The following NDST4 variants were observed in gnomAD, a reference collection of about 807,000 sequenced individuals.
NDST4 encodes N-deacetylase and N-sulfotransferase 4.
Under a neutral mutation model 100.8 loss-of-function variants are expected in NDST4, and 63 were observed. The observed-to-expected ratio is 0.62, with a 90% CI of 0.51 to 0.77. NDST4 has a LOEUF of 0.77. Ranked by LOEUF, NDST4 falls within the 30% of genes least tolerant of loss-of-function variation. The probability of loss-of-function intolerance (pLI) is 0.00; values close to 1 mark genes in which losing one functional copy is unlikely to be tolerated. For missense variants in NDST4, 943 were observed against 1,018.4 expected (o/e 0.93, Z 1.01); for synonymous variants, 377 against 361.8 (o/e 1.04, Z -0.48).
At chr4:115,100,549 A>G (rs1173975056) in intron 1 of NDST4, among the ~76,000 whole-genome samples, 3 of 152,120 alleles carry the variant, frequency 2.0e-5, no homozygotes, top group African/African-American at 4.8e-5. Flanking sequence ...TTGTAGCCCT[A>G]TGTGGGCTAC....
At chr4:114,885,085 C>T (rs1724450574) in intron 6 of NDST4, among the ~76,000 whole-genome samples, 2 of 152,106 alleles carry the variant, frequency 1.3e-5, no homozygotes, top group African/African-American at 2.4e-5. Context: ...TTGCTAGTCT[C>T]AGACTTTTTA....
intron 4 of NDST4, among the ~76,000 whole-genome samples, chr4:114,964,031 A>C (rs1726325299): frequency 6.6e-6 from 1 of 152,168 alleles, no homozygotes; most frequent in Non-Finnish European, 1.5e-5. Flanking sequence ...ATAAGTGAAG[A>C]GGTATTGCTT....
intron 2 of NDST4, among the ~76,000 whole-genome samples, chr4:115,047,860 A>C (rs2126277361): frequency 6.6e-6 from 1 of 152,294 alleles, no homozygotes. Context: ...ACCTTCAATA[A>C]AAGAATATTA....
intron 6 of NDST4, among the ~76,000 whole-genome samples, chr4:114,876,307 A>G (rs1168072199): frequency 6.6e-6 from 1 of 152,182 alleles, no homozygotes; most frequent in Non-Finnish European, 1.5e-5. Context: ...TAGCTTGTTA[A>G]ATTATTGATT....
rs1181591602 is a variant in NDST4 at position 114,871,100 on chromosome 4, A to G, written c.1537-150T>C. ...GTGGAAAGCCACACATTTAATTTTC[A>G]TCTCAAAATAACACTTAAACTCACT... On this transcript the variant is annotated intron_variant, in intron 6 of 13. Transcript: ENST00000264363. 5 of 530,722 alleles carry G rather than the reference A, an allele frequency of 9.4e-6. No homozygotes were observed. The East Asian group carries it at 9.8e-5, about 10-fold the overall frequency. The allele number at this position is 530,722 out of a possible 1,614,324, so 32.9% of individuals were successfully genotyped here.
chr4:114,836,838 C>A (rs979268554), intron 11 of NDST4, among the ~76,000 whole-genome samples: 3 of 152,058 alleles, frequency 2.0e-5, no homozygotes, highest in Non-Finnish European at 2.9e-5. Context: ...GTTCTCTAAT[C>A]TTGTCTTCAT....
chr4:114,920,849 G>C (rs1725272265), intron 6 of NDST4, among the ~76,000 whole-genome samples: 1 of 152,132 alleles, frequency 6.6e-6, no homozygotes, highest in Admixed American at 6.5e-5. Context: ...ACTAGTGATA[G>C]GTGATGAAAC....
At chr4:115,092,216 C>T (rs1263273482) in intron 1 of NDST4, among the ~76,000 whole-genome samples, 1 of 152,010 alleles carries the variant, frequency 6.6e-6, no homozygotes, top group East Asian at 1.9e-4. Flanking sequence ...TAGGTGAAGA[C>T]CCCCAACCTA....
At chr4:115,068,995 C>A (rs929170928) in intron 2 of NDST4, among the ~76,000 whole-genome samples, 3 of 151,918 alleles carry the variant, frequency 2.0e-5, no homozygotes, top group African/African-American at 7.3e-5. Flanking sequence ...ACTGTCACCT[C>A]TTAATTTTGG....
At chr4:115,059,665 C>A (rs1019037813) in intron 2 of NDST4, among the ~76,000 whole-genome samples, 7 of 152,038 alleles carry the variant, frequency 4.6e-5, no homozygotes, top group Non-Finnish European at 8.8e-5. Flanking sequence ...TAGTCTTTCA[C>A]TTTGCAATGT....
chr4:114,961,746 A>T (rs1471314127), intron 4 of NDST4, among the ~76,000 whole-genome samples: 1 of 152,062 alleles, frequency 6.6e-6, no homozygotes, highest in Non-Finnish European at 1.5e-5. Flanking sequence ...TCTACCAAAC[A>T]TACAAAAAAT....
chr4:114,886,785 C>T (rs1724488313), intron 6 of NDST4, among the ~76,000 whole-genome samples: 1 of 152,040 alleles, frequency 6.6e-6, no homozygotes, highest in Non-Finnish European at 1.5e-5. Context: ...CCAGCAAGTA[C>T]ATGATGCTGG....
chr4:115,007,000 T>C (rs1223965230), intron 2 of NDST4, among the ~76,000 whole-genome samples: 2 of 152,178 alleles, frequency 1.3e-5, no homozygotes, highest in Non-Finnish European at 2.9e-5. Flanking sequence ...CTAGGTTTTA[T>C]TGCATATTTA....
intron 4 of NDST4, among the ~76,000 whole-genome samples, chr4:114,960,915 ATATAAAG>A (rs1161726699): frequency 6.6e-6 from 1 of 152,202 alleles, no homozygotes; most frequent in East Asian, 1.9e-4. Flanking sequence ...ACATAAAATT[ATATAAAG>A]TATAAACTAT....
chr4:115,069,638 G>A (rs957096171), intron 2 of NDST4, among the ~76,000 whole-genome samples: 4 of 152,182 alleles, frequency 2.6e-5, no homozygotes, highest in African/African-American at 9.6e-5. Flanking sequence ...CTTCATGCCT[G>A]TAATCCCAGT....
At chr4:115,046,405 A>T (rs1388066090) in intron 2 of NDST4, among the ~76,000 whole-genome samples, 1 of 152,186 alleles carries the variant, frequency 6.6e-6, no homozygotes, top group Non-Finnish European at 1.5e-5. Flanking sequence ...GCTTGCCTGT[A>T]TTCATGGCAG....
intron 6 of NDST4, among the ~76,000 whole-genome samples, chr4:114,902,695 A>G (rs1482421344): frequency 1.3e-5 from 2 of 151,906 alleles, no homozygotes; most frequent in African/African-American, 4.8e-5. Flanking sequence ...TGATATTTTC[A>G]TTAACCATGA....
intron 2 of NDST4, among the ~76,000 whole-genome samples, chr4:115,052,513 T>G (rs971157926): frequency 4.6e-5 from 7 of 151,732 alleles, no homozygotes; most frequent in African/African-American, 1.7e-4. Context: ...TGGGGGCGAG[T>G]CTTCCCCATA....
chr4:114,924,821 A>C (rs147338879), intron 6 of NDST4, among the ~76,000 whole-genome samples: 2 of 152,252 alleles, frequency 1.3e-5, no homozygotes, highest in African/African-American at 4.8e-5. Context: ...TGTATTTCAA[A>C]ATAGCTCAAA....
Sources: gnomAD v4.1 joint callset for allele counts (sites outside exome capture counted in the v4.1 genomes callset) on GRCh38, gnomAD v4.1.1 for gene constraint, MANE v1.5 for transcripts, NCBI Gene and HGNC (gene_info 2026-07-23, HGNC 2026-07-21) for gene names.